Variants in PUDP observed in about 807,000 individuals in gnomAD.
PUDP encodes pseudouridine-5'-phosphatase.
A neutral mutation model predicts 9.4 loss-of-function variants in PUDP; 8 were observed. The ratio of observed to expected loss-of-function variants is 0.85; its 90% confidence interval spans 0.50 to 1.53. The LOEUF is 1.53. Ranked by LOEUF, PUDP falls within the 40% of genes most tolerant of loss-of-function variation. The pLI is 0.00. For synonymous variants in PUDP, 99 were observed against 80.7 expected (o/e 1.23, Z -1.22); for missense variants, 188 against 189.7 (o/e 0.99, Z 0.05).
At chrX:6,710,151 A>AG (rs1166320035) in intron 1 of PUDP, among the ~76,000 whole-genome samples, 2 of 111,635 alleles carry the variant, frequency 1.8e-5, no homozygotes, top group African/African-American at 3.3e-5. Context: ...CAAACAAACA[A>AG]AAACAAACAA....
At position 6,921,534 on chromosome X, in the gene PUDP, G is replaced by T. The variant is rs763188294; in HGVS notation, c.*247+55599C>A. 2.7e-5 allele frequency among the ~76,000 whole-genome samples: 3 copies of T among 111,151 alleles called. No homozygotes were observed. The South Asian group carries it at 1.2e-3, about 43-fold the overall frequency. On this transcript the variant is annotated intron_variant and NMD_transcript_variant, in intron 3 of 3. Transcript: ENST00000655425. ...TCATGCATGTATAATTAGATGACTTGTTAATGACTGATGATGTCTCAGTTC... is the reference window on the plus strand; with the variant it reads ...TCATGCATGTATAATTAGATGACTTTTTAATGACTGATGATGTCTCAGTTC...
At chrX:6,945,948 C>A (rs1183335709) in intron 3 of PUDP, among the ~76,000 whole-genome samples, 1 of 111,033 alleles carries the variant, frequency 9.0e-6, no homozygotes, top group Non-Finnish European at 1.9e-5. Flanking sequence ...CTCGTTATAC[C>A]CCATCCCTCG....
chrX:7,091,536 T>C (rs1369474028), intron 2 of PUDP, among the ~76,000 whole-genome samples: 2 of 110,621 alleles, frequency 1.8e-5, no homozygotes, highest in Non-Finnish European at 3.8e-5. Context: ...AGACAGGGTT[T>C]CACCATGTTG....
In PUDP at chrX:7,050,364, C is replaced by G; in HGVS notation, c.619G>C (p.Ala207Pro). The G allele has an allele frequency of 8.3e-7, 1 of 1,211,491 alleles. No homozygotes were observed. Among genetic ancestry groups the G allele is most frequent in the Non-Finnish European group, 1.1e-6 (1 of 895,263 alleles). Residue 207 changes from alanine (A) to proline (P), a missense_variant, in exon 4 of 4, where the codon GCC (alanine) becomes CCC (proline). Transcript: ENST00000381077. ...GNLSRDLTTK[A>P]TLVLNSLQDF... ...TGCAGGGAATTCAGCACCAGGGTGG[C>G]CTTTGTTGTCAGATCTCGGCTCAAG...
chrX:6,893,934 T>G (rs1927550919), intron 3 of PUDP, among the ~76,000 whole-genome samples: 1 of 111,437 alleles, frequency 9.0e-6, no homozygotes, highest in Non-Finnish European at 1.9e-5. Context: ...AGGAACGAGA[T>G]CATGTCCTTT....
chrX:6,813,793 C>A (rs1467610775), intron 3 of PUDP, among the ~76,000 whole-genome samples: 1 of 111,452 alleles, frequency 9.0e-6, no homozygotes, highest in African/African-American at 3.3e-5. Flanking sequence ...CAGCCCAGCA[C>A]AACTTGTCAG....
At chrX:7,057,386 C>G in intron 3 of PUDP, among the ~76,000 whole-genome samples, 1 of 109,823 alleles carries the variant, frequency 9.1e-6, no homozygotes, top group Non-Finnish European at 1.9e-5. Flanking sequence ...CTGGTCTCCC[C>G]CTAACGCATT....
At chrX:7,118,999 A>C (rs1223669227) in intron 1 of PUDP, among the ~76,000 whole-genome samples, 1 of 112,394 alleles carries the variant, frequency 8.9e-6, no homozygotes, top group Non-Finnish European at 1.9e-5. Flanking sequence ...GAAACCTTGC[A>C]AAAACAGTGA....
chrX:7,147,281 T>C (rs1932886020), intron 1 of PUDP, among the ~76,000 whole-genome samples: 1 of 111,343 alleles, frequency 9.0e-6, no homozygotes, highest in Non-Finnish European at 1.9e-5. Context: ...CCACAGGTGA[T>C]GTCCCCGGTG....
intron 3 of PUDP, among the ~76,000 whole-genome samples, chrX:7,056,734 A>G (rs1252285992): frequency 9.0e-6 from 1 of 111,426 alleles, no homozygotes; most frequent in African/African-American, 3.3e-5. Context: ...TGGGTACAGG[A>G]CTTAGAGCCA....
At chrX:6,857,460 GTTTCA>G (rs1926924282) in intron 3 of PUDP, among the ~76,000 whole-genome samples, 1 of 112,612 alleles carries the variant, frequency 8.9e-6, no homozygotes, top group Admixed American at 9.4e-5. Context: ...TTTTGAGACA[GTTTCA>G]TTCTGTCACC....
chrX:6,820,608 G>A (rs1926325904), intron 3 of PUDP, among the ~76,000 whole-genome samples: 1 of 111,685 alleles, frequency 9.0e-6, no homozygotes, highest in South Asian at 3.7e-4. Context: ...TAGGGCCCAT[G>A]CAAGTCCAAA....
intron 3 of PUDP, among the ~76,000 whole-genome samples, chrX:6,782,547 G>A (rs1925581590): frequency 9.0e-6 from 1 of 111,323 alleles, no homozygotes; most frequent in Admixed American, 9.6e-5. Context: ...TCCAGGCTGG[G>A]CTACAGAGCA....
chrX:7,025,513 A>T (rs1237599357), intron 1 of PUDP, among the ~76,000 whole-genome samples: 1 of 111,987 alleles, frequency 8.9e-6, no homozygotes, highest in Non-Finnish European at 1.9e-5. Context: ...GATGTAGTAC[A>T]ACCTCCCAAC....
chrX:7,133,650 C>G (rs778876867), intron 1 of PUDP, among the ~76,000 whole-genome samples: 13 of 111,677 alleles, frequency 1.2e-4, no homozygotes, highest in African/African-American at 4.2e-4. Flanking sequence ...ACACAGCCCA[C>G]TTTAGCAAGA....
intron 3 of PUDP, among the ~76,000 whole-genome samples, chrX:6,943,953 A>T (rs1163004148): frequency 8.9e-6 from 1 of 112,199 alleles, no homozygotes; most frequent in Non-Finnish European, 1.9e-5. Flanking sequence ...AAAATTAAAA[A>T]GAAAGAAGTC....
At chrX:6,711,654 C>G (rs1924533462) in intron 1 of PUDP, among the ~76,000 whole-genome samples, 1 of 111,639 alleles carries the variant, frequency 9.0e-6, no homozygotes, top group South Asian at 3.8e-4. Context: ...AGAAACTTTT[C>G]CTTCCGAGGC....
chrX:6,895,303 C>A (rs11095240), intron 3 of PUDP, among the ~76,000 whole-genome samples: 28,400 of 104,538 alleles, frequency 0.27, 3,065 homozygotes, highest in East Asian at 0.51. Context: ...AAATGTAATA[C>A]ATTTATTGGA....
intron 3 of PUDP, among the ~76,000 whole-genome samples, chrX:7,051,890 G>A (rs1930110046): frequency 8.9e-6 from 1 of 112,672 alleles, no homozygotes; most frequent in South Asian, 3.6e-4. Context: ...TGTAAGGGAA[G>A]AGAGGTCCTC....
Sources: allele counts gnomAD v4.1 joint callset (sites outside exome capture counted in the v4.1 genomes callset), GRCh38; gene constraint gnomAD v4.1.1; transcripts MANE v1.5; gene names NCBI Gene and HGNC (gene_info 2026-07-23, HGNC 2026-07-21).